The following MON1A variants were observed in gnomAD, a reference collection of about 807,000 sequenced individuals.
MON1A encodes vacuolar fusion protein MON1 homolog A.
MON1A carries 29 observed loss-of-function variants against 44.6 expected under a neutral mutation model. The ratio of observed to expected loss-of-function variants is 0.65; its 90% CI spans 0.48 to 0.89. MON1A has a LOEUF of 0.89. MON1A is among the 40% of genes least tolerant of loss of function. The pLI is 0.00. For missense variants in MON1A, 615 were observed against 759.6 expected, an observed-to-expected ratio of 0.81 and a Z score of 2.24; for synonymous variants, 275 against 316.4, an observed-to-expected ratio of 0.87 and a Z score of 1.39.
chr3:49,909,503 T>G lies in MON1A; in HGVS notation c.1380-103A>C. ...TCCTATCCAGGAAGACTCTATCTTA[T>G]GTCCTACCCTCCAGGTGCTCCCTTA... On this transcript the variant is annotated intron_variant, in intron 4 of 5. Transcript: ENST00000296473. The surrounding 1 kb of genome is among the most constrained non-coding windows in gnomAD (Gnocchi z 4.0). The G allele has an allele frequency of 6.8e-7, 1 of 1,470,022 alleles. No homozygotes were observed. The highest frequency in any genetic ancestry group is 1.4e-5 in the African/African-American group (1 of 71,794). The allele number at this position is 1,470,022 out of a possible 1,614,324, so 91.1% of individuals were successfully genotyped here. A position where few individuals can be genotyped will look rare whatever the true frequency, so the allele number is the denominator to read the frequency against.
In MON1A at chr3:49,911,978, G is replaced by T. The variant is rs367788077; in HGVS notation, c.161C>A (p.Ala54Asp). The T allele has an allele frequency of 3.7e-6, 6 of 1,604,570 alleles. No individual in the cohort carries two copies. Among genetic ancestry groups the T allele is most frequent in the East Asian group, 2.2e-5 (1 of 44,768 alleles). ...AGQEGAMFVH[A>D]RSYEDLTESE... ...CTCAGTCAGGTCCTCGTAGGAACGGGCATGGACGAACATGGCACCCTCCTG... is the reference window on the plus strand; with the variant it reads ...CTCAGTCAGGTCCTCGTAGGAACGGTCATGGACGAACATGGCACCCTCCTG... Residue 54 changes from alanine (A) to aspartate (D), a missense_variant, in exon 3 of 6, where the codon GCC becomes GAC. By Grantham distance (126) the Ala-to-Asp change is moderately radical. Coordinates refer to ENST00000296473, the MANE Select transcript of MON1A (RefSeq NM_032355.4). This position sits in a 1 kb window ranked among gnomAD's most constrained non-coding sequence, Gnocchi z 5.7.
Position 49,909,114 on chromosome 3 carries a change from A to AGG in MON1A, c.1566_1567dup (p.Leu523ProfsTer15). 1 of 1,613,352 alleles carries AGG rather than the reference A, an allele frequency of 6.2e-7. No homozygotes were observed. The highest frequency in any genetic ancestry group is 8.5e-7 in the Non-Finnish European group (1 of 1,179,546). ...ACTGACGGCTGACGCCTTGGTCCCC[A>AGG]GGGGGCTGTAACACATGTAGAGCTC... is the stretch of plus-strand genomic sequence containing the variant. On this transcript the variant is annotated frameshift_variant, in exon 6 of 6. Coordinates refer to ENST00000296473, the MANE Select transcript of MON1A (RefSeq NM_032355.4). LOFTEE classifies it high-confidence loss of function. This position sits in a 1 kb window ranked among gnomAD's most constrained non-coding sequence, Gnocchi z 4.0.
chr3:49,927,556 T>A (rs893910414), intron 1 of MON1A, among the ~76,000 whole-genome samples: 4 of 152,054 alleles, frequency 2.6e-5, no homozygotes, highest in African/African-American at 9.7e-5. Context: ...CAAAGCCAGG[T>A]GGGCCCTAGC....
At chr3:49,918,661 C>T (rs2082969461) in intron 1 of MON1A, among the ~76,000 whole-genome samples, 1 of 152,028 alleles carries the variant, frequency 6.6e-6, no homozygotes, top group South Asian at 2.1e-4. Flanking sequence ...ATCCACCCGC[C>T]TCAGTCCCCC....
intron 1 of MON1A, among the ~76,000 whole-genome samples, chr3:49,927,915 C>A (rs368592181): frequency 3.9e-4 from 58 of 149,488 alleles, no homozygotes; most frequent in East Asian, 9.8e-4. Flanking sequence ...AAAAAAACAA[C>A]AAAAAAAAAC....
Position 49,913,090 on chromosome 3 carries a change from C to A in MON1A, c.127+130G>T, listed in dbSNP as rs760649359. ...CTGGCCTCCTGCCTTATCCCCAGAA[C>A]CTGACAAATATCCAATGAGTGACTG... On this transcript the variant is annotated intron_variant, in intron 2 of 5. Transcript: ENST00000296473. 5.4e-6 allele frequency: 7 copies of A among 1,286,058 alleles called. 1 individual carries two copies. In the South Asian group the frequency reaches 8.6e-5, roughly 16 times the overall value. The allele number at this position is 1,286,058 out of a possible 1,614,324, so 79.7% of individuals were successfully genotyped here. A position where few individuals can be genotyped will look rare whatever the true frequency, so the allele number is the denominator to read the frequency against.
chr3:49,918,190 A>G (rs969920436), intron 1 of MON1A, among the ~76,000 whole-genome samples: 1 of 151,918 alleles, frequency 6.6e-6, no homozygotes, highest in Non-Finnish European at 1.5e-5. Flanking sequence ...AAAAAAAATT[A>G]GCCAGGTGTG....
intron 1 of MON1A, chr3:49,924,538 G>T (rs780389070): frequency 1.4e-5 from 4 of 295,488 alleles, no homozygotes; most frequent in South Asian, 1.0e-4. Flanking sequence ...AATTACCTAG[G>T]TGTCATGACG....
At position 49,909,939 on chromosome 3, in the gene MON1A, C is replaced by T; in HGVS notation, c.1379+180G>A. The T allele has an allele frequency of 1.5e-6, 1 of 680,458 alleles. No homozygotes were observed. The highest frequency in any genetic ancestry group is 2.6e-5 in the Admixed American group (1 of 38,480). 42.2% of individuals were successfully genotyped at this position (680,458 alleles called of 1,614,324 possible). A position where few individuals can be genotyped will look rare whatever the true frequency, so the allele number is the denominator to read the frequency against. ...TGGTTAATAAAGTAGAGAGGGTATG[C>T]TCATGGGGTGATGGAGAGTCTGGGT... On this transcript the variant is annotated intron_variant, in intron 4 of 5. Coordinates refer to ENST00000296473, the MANE Select transcript of MON1A (RefSeq NM_032355.4). The surrounding 1 kb of genome is among the most constrained non-coding windows in gnomAD (Gnocchi z 4.0).
intron 1 of MON1A, among the ~76,000 whole-genome samples, chr3:49,928,118 G>T (rs13091525): frequency 0.078 from 11,882 of 152,230 alleles, 604 homozygotes; most frequent in Non-Finnish European, 0.11. Flanking sequence ...ATGGGGAAGG[G>T]TTGGCGGGGG....
Position 49,911,036 on chromosome 3 carries a change from T to C in MON1A, c.614-152A>G. 1.3e-6 allele frequency: 1 copy of C among 769,566 alleles called. No individual in the cohort carries two copies. The highest frequency in any genetic ancestry group is 2.0e-6 in the Non-Finnish European group (1 of 496,060). The allele number at this position is 769,566 out of a possible 1,614,324, so 47.7% of individuals were successfully genotyped here. A position where few individuals can be genotyped will look rare whatever the true frequency, so the allele number is the denominator to read the frequency against. On this transcript the variant is annotated intron_variant, in intron 3 of 5. Coordinates refer to ENST00000296473, the MANE Select transcript of MON1A (RefSeq NM_032355.4). The surrounding 1 kb of genome is among the most constrained non-coding windows in gnomAD (Gnocchi z 5.7). ...TAAGGATGTTCAGGATAAAAACCCA[T>C]TGCTCCTTCTCCCTGAGGGCTCAGG...
chr3:49,921,904 G>A (rs1209421214), intron 1 of MON1A, among the ~76,000 whole-genome samples: 2 of 151,996 alleles, frequency 1.3e-5, no homozygotes, highest in Admixed American at 6.6e-5. Flanking sequence ...TTGGGAGGCC[G>A]AGGTGGGTGG....
intron 1 of MON1A, among the ~76,000 whole-genome samples, chr3:49,921,110 C>T (rs1262205978): frequency 6.6e-6 from 1 of 151,812 alleles, no homozygotes; most frequent in Non-Finnish European, 1.5e-5. Context: ...GAGCCAAGAT[C>T]GTGCCACTGC....
At position 49,909,474 on chromosome 3, in the gene MON1A, C is replaced by T. The variant is rs546726989; in HGVS notation, c.1380-74G>A. ...GTCTTCTCTAGAGATTTAGAAACAC[C>T]TATTCCTATCCAGGAAGACTCTATC... On this transcript the variant is annotated intron_variant, in intron 4 of 5. Transcript: ENST00000296473. The surrounding 1 kb of genome is among the most constrained non-coding windows in gnomAD (Gnocchi z 4.0). 2 of 1,572,202 alleles carry T rather than the reference C, an allele frequency of 1.3e-6. No individual in the cohort carries two copies. Among genetic ancestry groups the T allele is most frequent in the Middle Eastern group, 2.2e-4 (1 of 4,544 alleles).
chr3:49,929,631 A>G lies in MON1A; in HGVS notation c.-36T>C. 6.4e-7 allele frequency: 1 copy of G among 1,551,502 alleles called. No homozygotes were observed. Among genetic ancestry groups the G allele is most frequent in the Non-Finnish European group, 8.7e-7 (1 of 1,146,922 alleles). On this transcript the variant is annotated 5_prime_UTR_variant, in exon 1 of 6. Coordinates refer to ENST00000296473, the MANE Select transcript of MON1A (RefSeq NM_032355.4). ...CACCTGTTTCTCAGAGGAGTCCAGG[A>G]CGCACAGAAGGTGCCGGTCACTGCC...
rs2082844569 is a variant in MON1A, at chr3:49,909,128, C to A, written c.1554G>T (p.Met518Ile). ...CCTTGGTCCCCAGGGGGCTGTAACA[C>A]ATGTAGAGCTCAAAGGCGCCTGTCA... ...AWVTGAFELY[M>I]CYSPLGTKAS... The change falls in exon 6 of 6, where the codon ATG (methionine) becomes ATT (isoleucine). Residue 518 changes from methionine (M) to isoleucine (I), a missense_variant. Transcript: ENST00000296473. The surrounding 1 kb of genome is among the most constrained non-coding windows in gnomAD (Gnocchi z 4.0). The A allele has an allele frequency of 6.2e-7, 1 of 1,612,316 alleles. No individual in the cohort carries two copies. The highest frequency in any genetic ancestry group is 1.3e-5 in the African/African-American group (1 of 75,002).
chr3:49,929,747 A>C lies in MON1A; in HGVS notation c.-152T>G. The C allele has an allele frequency of 6.5e-7, 1 of 1,549,880 alleles. No individual in the cohort carries two copies. Among genetic ancestry groups the C allele is most frequent in the Non-Finnish European group, 8.7e-7 (1 of 1,146,698 alleles). On this transcript the variant is annotated 5_prime_UTR_variant, in exon 1 of 6. Coordinates refer to ENST00000296473, the MANE Select transcript of MON1A (RefSeq NM_032355.4). ...GGGCCCCGGCCCCCTGCGTACACAG[A>C]CATGGCCACAGCGCAGGCACCGCTC...
rs978113547 is a variant in MON1A, at chr3:49,929,682, G to C, written c.-87C>G. The C allele has an allele frequency of 1.2e-5, 18 of 1,551,180 alleles. No homozygotes were observed. In the Middle Eastern group the frequency reaches 5.0e-4, roughly 43 times the overall value. On this transcript the variant is annotated 5_prime_UTR_variant, in exon 1 of 6. Coordinates refer to ENST00000296473, the MANE Select transcript of MON1A (RefSeq NM_032355.4). Reference sequence around the variant, plus strand: ...CTCTGCCGGACCCATGGAGGGGTAAGGGTGTCCGGCCGGGGCCGGCCTGAG... The same window carrying C: ...CTCTGCCGGACCCATGGAGGGGTAACGGTGTCCGGCCGGGGCCGGCCTGAG...
At position 49,909,858 on chromosome 3, in the gene MON1A, C is replaced by T. The variant is rs574604049; in HGVS notation, c.1379+261G>A. 5.0e-5 allele frequency: 22 copies of T among 435,696 alleles called. No homozygotes were observed. Among genetic ancestry groups the T allele is most frequent in the African/African-American group, 4.1e-4 (21 of 51,214 alleles). 27.0% of individuals were successfully genotyped at this position (435,696 alleles called of 1,614,324 possible). A position where few individuals can be genotyped will look rare whatever the true frequency, so the allele number is the denominator to read the frequency against. Reference sequence around the variant, plus strand: ...AGAGTTGCTCCAGGGCAAGGGACCCCGGAGACCTCTGTTCCAGTTTCCTTC... The same window carrying T: ...AGAGTTGCTCCAGGGCAAGGGACCCTGGAGACCTCTGTTCCAGTTTCCTTC... On this transcript the variant is annotated intron_variant, in intron 4 of 5. Coordinates refer to ENST00000296473, the MANE Select transcript of MON1A (RefSeq NM_032355.4). The surrounding 1 kb of genome is among the most constrained non-coding windows in gnomAD (Gnocchi z 4.0).
Sources: allele counts gnomAD v4.1 joint callset (sites outside exome capture counted in the v4.1 genomes callset), GRCh38; gene constraint gnomAD v4.1.1; non-coding constraint Gnocchi (gnomAD v3.1); transcripts MANE v1.5; gene names NCBI Gene and HGNC (gene_info 2026-07-23, HGNC 2026-07-21).